CRYBG3: variants seen among roughly 807,000 people sequenced by gnomAD.
CRYBG3 encodes very large A-kinase anchor protein.
CRYBG3 carries 127 observed loss-of-function variants against 244.2 expected under a neutral mutation model. The observed-to-expected ratio is 0.52, with a 90% confidence interval of 0.45 to 0.60. The LOEUF (loss-of-function observed/expected upper bound fraction) is 0.60, where lower values mean the gene tolerates loss of function less well. Ranked by LOEUF, CRYBG3 falls within the 20% of genes least tolerant of loss-of-function variation. CRYBG3 has a pLI of 0.00. For synonymous variants in CRYBG3, 1,132 were observed against 1,195.8 expected, an observed-to-expected ratio of 0.95 and a Z score of 1.10; for missense variants, 3,325 against 3,442.5, an observed-to-expected ratio of 0.97 and a Z score of 0.85.
intron 17 of CRYBG3, chr3:97,933,434 G>A (rs1018798139): frequency 2.0e-6 from 1 of 493,628 alleles, no homozygotes; most frequent in African/African-American, 2.0e-5. Flanking sequence ...GGAATCATGG[G>A]TCTCTTTATT....
intron 15 of CRYBG3, among the ~76,000 whole-genome samples, chr3:97,908,280 G>C (rs1169025644): frequency 1.3e-5 from 2 of 152,180 alleles, no homozygotes; most frequent in Admixed American, 1.3e-4. Context: ...GTGCAGAGCT[G>C]AGTTCAATTC....
chr3:97,891,022 A>AT (rs1345830910), intron 10 of CRYBG3, among the ~76,000 whole-genome samples: 1 of 152,102 alleles, frequency 6.6e-6, no homozygotes, highest in East Asian at 1.9e-4. Context: ...GTAATTTCTT[A>AT]TTTTTTAGGA....
At chr3:97,869,637 G>A (rs1559725745) in intron 3 of CRYBG3, among the ~76,000 whole-genome samples, 1 of 152,084 alleles carries the variant, frequency 6.6e-6, no homozygotes, top group Non-Finnish European at 1.5e-5. Flanking sequence ...TCTTATCCAA[G>A]TTTTGACTTT....
At chr3:97,924,405 GA>G (rs1173250353) in intron 17 of CRYBG3, 5 of 454,102 alleles carry the variant, frequency 1.1e-5, no homozygotes, top group East Asian at 7.1e-5. Flanking sequence ...AAATGAATAA[GA>G]AAAAGGTGAA....
chr3:97,853,432 C>A (rs1033438106), intron 2 of CRYBG3, among the ~76,000 whole-genome samples: 3 of 151,566 alleles, frequency 2.0e-5, no homozygotes, highest in Admixed American at 2.0e-4. Context: ...CACACACACA[C>A]ACACACGTTT....
chr3:97,934,569 G>C (rs2040138190), intron 18 of CRYBG3, among the ~76,000 whole-genome samples: 1 of 152,058 alleles, frequency 6.6e-6, no homozygotes. Flanking sequence ...TTTTTCTATG[G>C]CTTTGAAATT....
rs557419117 is a variant in CRYBG3 at position 97,943,795 on chromosome 3, T to C, written c.*481T>C. Reference sequence around the variant, plus strand: ...AATTTTTTAGCAACACCTGAAAATATACTAAACTTTCCTAGATAAACTTTA... The same window carrying C: ...AATTTTTTAGCAACACCTGAAAATACACTAAACTTTCCTAGATAAACTTTA... On this transcript the variant is annotated 3_prime_UTR_variant, in exon 22 of 22. Transcript: ENST00000389622. 1.3e-5 allele frequency: 2 copies of C among 153,830 alleles called. No homozygotes were observed. Among genetic ancestry groups the C allele is most frequent in the Admixed American group, 6.6e-5 (1 of 15,244 alleles). 9.5% of individuals were successfully genotyped at this position (153,830 alleles called of 1,614,324 possible). A position where few individuals can be genotyped will look rare whatever the true frequency, so the allele number is the denominator to read the frequency against.
Position 97,861,220 on chromosome 3 carries a change from G to C in CRYBG3, c.217-2997G>C, listed in dbSNP as rs1303727693. On this transcript the variant is annotated intron_variant, in intron 2 of 21. Transcript: ENST00000389622. ...ACATATTTCAAACTTCTGTGTCTTT[G>C]TGCATACTATGGCTTGTGTCTAGAA... 5.3e-5 allele frequency among the ~76,000 whole-genome samples: 8 copies of C among 152,162 alleles called. No individual in the cohort carries two copies. The East Asian group carries it at 1.5e-3, about 29-fold the overall frequency.
intron 17 of CRYBG3, among the ~76,000 whole-genome samples, chr3:97,932,012 C>T (rs1344519113): frequency 6.6e-6 from 1 of 151,970 alleles, no homozygotes; most frequent in African/African-American, 2.4e-5. Flanking sequence ...ATTAATAATA[C>T]CAATTTAAAA....
rs1261155717 is a variant in CRYBG3 at position 97,874,096 on chromosome 3, C to T, written c.2902C>T (p.His968Tyr). Residue 968 changes from histidine (H) to tyrosine (Y), a missense_variant, in exon 4 of 22, where the codon CAT becomes TAT. Transcript: ENST00000389622. Reference protein sequence around the residue: ...QNCEAHTCVFHQSLDICGTKK... With the variant: ...QNCEAHTCVFYQSLDICGTKK... ...TTGTGAAGCTCACACTTGTGTGTTT[C>T]ATCAATCTTTGGATATTTGTGGGAC... 2 of 1,535,708 alleles carry T rather than the reference C, an allele frequency of 1.3e-6. No individual in the cohort carries two copies. Among genetic ancestry groups the T allele is most frequent in the Non-Finnish European group, 8.7e-7 (1 of 1,146,784 alleles).
chr3:97,881,339 T>C (rs559820996), intron 7 of CRYBG3, 120 bp downstream of exon 7: 103 of 590,318 alleles, frequency 1.7e-4, no homozygotes, highest in South Asian at 1.3e-3. Flanking sequence ...TTAATCTTCA[T>C]TACCATATTG....
In CRYBG3 at chr3:97,874,678, G is replaced by A; in HGVS notation, c.3484G>A (p.Ala1162Thr). The A allele has an allele frequency of 6.5e-7, 1 of 1,535,946 alleles. No homozygotes were observed. The highest frequency in any genetic ancestry group is 2.4e-5 in the East Asian group (1 of 40,912). The change falls in exon 4 of 22, where the codon GCG becomes ACG. Residue 1162 changes from alanine to threonine, a missense_variant. Physicochemically the swap from Ala to Thr is moderately conservative, Grantham distance 58 (BLOSUM62 0). Transcript: ENST00000389622. ...GACTGGAGCAGTTGCTGGGCCTGCA[G>A]CGTCAGTTAACAGCTCAGGCCAACA... ...AETGAVAGPAASVNSSGQQCS... is the reference protein window; with the variant it reads ...AETGAVAGPATSVNSSGQQCS...
chr3:97,941,123 T>A, intron 19 of CRYBG3, 25 bp from the exon 20 acceptor site: 1 of 1,576,074 alleles, frequency 6.3e-7, no homozygotes. Context: ...AGTTTATTTC[T>A]AAATGGCTGT....
At chr3:97,902,413 T>C (rs984456276) in intron 15 of CRYBG3, among the ~76,000 whole-genome samples, 3 of 152,154 alleles carry the variant, frequency 2.0e-5, no homozygotes, top group African/African-American at 7.2e-5. Flanking sequence ...AACATCACTT[T>C]TTATTTTTTA....
intron 2 of CRYBG3, among the ~76,000 whole-genome samples, chr3:97,862,704 C>T (rs1282662521): frequency 6.6e-6 from 1 of 151,988 alleles, no homozygotes; most frequent in African/African-American, 2.4e-5. Flanking sequence ...GAAGGTTGGA[C>T]GGGTGAGGTG....
intron 3 of CRYBG3, among the ~76,000 whole-genome samples, chr3:97,869,515 A>G (rs1214377536): frequency 6.6e-6 from 1 of 152,158 alleles, no homozygotes; most frequent in Non-Finnish European, 1.5e-5. Context: ...GGCTCTGTGC[A>G]CGAGGCTTAC....
rs1364563574 is a variant in CRYBG3 at position 97,873,307 on chromosome 3, G to A, written c.2113G>A (p.Val705Met). The A allele has an allele frequency of 5.2e-6, 8 of 1,535,706 alleles. No individual in the cohort carries two copies. The highest frequency in any genetic ancestry group is 7.0e-6 in the Non-Finnish European group (8 of 1,146,746). ...GCCTAGGAAGTGTAAAGAAGAAAATGTGAAAAACCATGTTGAGGCTGCAGG... is the reference window on the plus strand; with the variant it reads ...GCCTAGGAAGTGTAAAGAAGAAAATATGAAAAACCATGTTGAGGCTGCAGG... ...YQPRKCKEENVKNHVEAAGRK... is the reference protein window; with the variant it reads ...YQPRKCKEENMKNHVEAAGRK... The change falls in exon 4 of 22, where the codon GTG becomes ATG. Residue 705 changes from valine (V) to methionine (M), a missense_variant. By Grantham distance (21) the Val-to-Met change is conservative. This residue lies in a region of CRYBG3 where 1,526 missense variants were observed against 1,443.2 expected (regional missense o/e 1.06). Transcript: ENST00000389622.
chr3:97,827,254 C>G (rs746740359), intron 1 of CRYBG3, among the ~76,000 whole-genome samples: 3 of 152,078 alleles, frequency 2.0e-5, no homozygotes, highest in Non-Finnish European at 4.4e-5. Context: ...TCTTTGCGTC[C>G]CCTTAGTTCA....
rs1226997375 is a variant in CRYBG3 at position 97,915,668 on chromosome 3, C to A, written c.8173C>A (p.Leu2725Ile). Residue 2725 changes from leucine to isoleucine, a missense_variant, in exon 17 of 22, where the codon CTC (leucine) becomes ATC (isoleucine). Transcript: ENST00000389622. ...TAATCACTGTGTGTTAGAAGAAGGC[C>A]TCTATGCTGACCTTACTTCCTGCGG... ...FVNHCVLEEG[L>I]YADLTSCGCP... 2 of 1,612,902 alleles carry A rather than the reference C, an allele frequency of 1.2e-6. No homozygotes were observed. Among genetic ancestry groups the A allele is most frequent in the Non-Finnish European group, 8.5e-7 (1 of 1,179,162 alleles).
Sources: gnomAD v4.1 joint callset for allele counts (sites outside exome capture counted in the v4.1 genomes callset) on GRCh38, gnomAD v4.1.1 for gene constraint, gnomAD v4.1.1 regional missense constraint, MANE v1.5 for transcripts, NCBI Gene and HGNC (gene_info 2026-07-23, HGNC 2026-07-21) for gene names.